FN3KRP: variants seen among roughly 807,000 people sequenced by gnomAD.
The protein encoded by FN3KRP is fructosamine 3 kinase related protein, also known as ketosamine-3-kinase.
FN3KRP carries 33 observed loss-of-function variants against 29.8 expected under a neutral mutation model. The observed-to-expected ratio is 1.11, with a 90% CI of 0.84 to 1.48. FN3KRP has a LOEUF of 1.48. FN3KRP is among the 40% of genes most tolerant of loss of function. The pLI, the probability that FN3KRP is intolerant of heterozygous loss-of-function variation, is 0.00. For missense variants in FN3KRP, 430 were observed against 402.6 expected (o/e 1.07, Z -0.58); for synonymous variants, 157 against 155.2 (o/e 1.01, Z -0.09).
chr17:82,723,575 A>ATG (rs983659968), intron 4 of FN3KRP, among the ~76,000 whole-genome samples: 4 of 151,402 alleles, frequency 2.6e-5, no homozygotes, highest in Non-Finnish European at 4.4e-5. Flanking sequence ...ATGTGTGTGC[A>ATG]TGTGTGTGCA....
At chr17:82,726,756 G>C in intron 5 of FN3KRP, 77 bp from the exon 6 acceptor site, 2 of 1,489,548 alleles carry the variant, frequency 1.3e-6, no homozygotes, top group Non-Finnish European at 1.8e-6. Context: ...CCTGGGCTGG[G>C]GGCGGTGGGG....
chr17:82,725,191 G>C (rs1442606243), intron 4 of FN3KRP, among the ~76,000 whole-genome samples: 1 of 152,002 alleles, frequency 6.6e-6, no homozygotes, highest in Non-Finnish European at 1.5e-5. Flanking sequence ...GCAGTGGCAT[G>C]ATCATAGCTC....
At chr17:82,717,412 C>T (rs1394697710) in intron 1 of FN3KRP, among the ~76,000 whole-genome samples, 1 of 152,304 alleles carries the variant, frequency 6.6e-6, no homozygotes, top group Admixed American at 6.5e-5. Context: ...CTGGCATGCT[C>T]TGTCCTTCTG....
At chr17:82,724,273 A>G (rs1249287150) in intron 4 of FN3KRP, among the ~76,000 whole-genome samples, 1 of 151,080 alleles carries the variant, frequency 6.6e-6, no homozygotes, top group African/African-American at 2.4e-5. Context: ...CAGCTTGGGT[A>G]ATGGAGCAAG....
At chr17:82,720,159 C>T in intron 2 of FN3KRP, 113 bp from the exon 3 acceptor site, 1 of 736,310 alleles carries the variant, frequency 1.4e-6, no homozygotes, top group South Asian at 1.8e-5. Flanking sequence ...GAGCGAGACT[C>T]CATCTCAAAA....
chr17:82,723,496 AGT>A (rs34352703), intron 4 of FN3KRP, among the ~76,000 whole-genome samples: 21,799 of 151,714 alleles, frequency 0.14, 1,763 homozygotes, highest in Admixed American at 0.2. Flanking sequence ...CTGTACTCAC[AGT>A]GTGTGTGTGC....
In FN3KRP at chr17:82,716,952, G is replaced by A. The variant is rs374122290; in HGVS notation, c.141+56G>A. The A allele has an allele frequency of 7.9e-6, 12 of 1,521,494 alleles. No individual in the cohort carries two copies. In the South Asian group the frequency reaches 1.2e-4, roughly 15 times the overall value. The allele number at this position is 1,521,494 out of a possible 1,614,324, so 94.2% of individuals were successfully genotyped here. Reference sequence around the variant, plus strand: ...CCGGTTTCTTTCCGGAGAGGGTCGCGGGCCTCGGCGCGGGGCGCGGCCTGG... The same window carrying A: ...CCGGTTTCTTTCCGGAGAGGGTCGCAGGCCTCGGCGCGGGGCGCGGCCTGG... On this transcript the variant is annotated intron_variant, in intron 1 of 5. Transcript: ENST00000269373.
At chr17:82,726,369 C>A in intron 4 of FN3KRP, 111 bp from the exon 5 acceptor site, 2 of 1,391,782 alleles carry the variant, frequency 1.4e-6, no homozygotes, top group Non-Finnish European at 2.0e-6. Context: ...TGCCACCCCT[C>A]CCACGTGCCG....
chr17:82,726,212 G>T (rs1167430121), intron 4 of FN3KRP, among the ~76,000 whole-genome samples: 1 of 152,018 alleles, frequency 6.6e-6, no homozygotes, highest in East Asian at 1.9e-4. Context: ...AAATGTTCTA[G>T]AAGCCTTCAT....
At chr17:82,726,738 C>A in intron 5 of FN3KRP, 95 bp from the exon 6 acceptor site, 1 of 1,496,260 alleles carries the variant, frequency 6.7e-7, no homozygotes. Flanking sequence ...GTGTGCTATC[C>A]GCTGCTGCCT....
At position 82,722,883 on chromosome 17, in the gene FN3KRP, CCAGGTGAGTG is replaced by C. The variant is rs750014981; in HGVS notation, c.468_468+9del. On this transcript the variant is annotated splice_donor_variant and splice_donor_5th_base_variant and coding_sequence_variant and intron_variant, in exon 4 of 6. Coordinates refer to ENST00000269373, the MANE Select transcript of FN3KRP (RefSeq NM_024619.4). LOFTEE classifies it high-confidence loss of function. The stretch of plus-strand genomic sequence containing the variant: ...TGGTGACGTGCTGTGGATACCTCCC[CCAGGTGAGTG>C]CACGGCGTTTGCTTCTATTTCACAA... The C allele has an allele frequency of 4.4e-5, 71 of 1,613,866 alleles. No homozygotes were observed. Among genetic ancestry groups the C allele is most frequent in the Non-Finnish European group, 5.8e-5 (68 of 1,179,916 alleles).
At chr17:82,724,343 C>T (rs543529105) in intron 4 of FN3KRP, among the ~76,000 whole-genome samples, 3 of 150,184 alleles carry the variant, frequency 2.0e-5, no homozygotes, top group Admixed American at 6.6e-5. Flanking sequence ...CGGTGGCTCA[C>T]GCCTGTAATC....
chr17:82,719,079 C>CACCCCCT (rs1221308343), intron 2 of FN3KRP, 22 bp downstream of exon 2: 8 of 1,592,446 alleles, frequency 5.0e-6, no homozygotes, highest in Middle Eastern at 1.9e-4. Context: ...CACCACCCCC[C>CACCCCCT]ACCTGGCTTT....
rs3748811 is a variant in FN3KRP at position 82,718,934 on chromosome 17, C to T, written c.170C>T (p.Ala57Val). Residue 57 changes from alanine (A) to valine (V), a missense_variant, in exon 2 of 6, where the codon GCA becomes GTA. Ala to Val is a moderately conservative substitution (Grantham distance 64). Transcript: ENST00000269373. ...AGAAGAATGTTTGAAGGTGAGATGG[C>T]AAGTTTAACTGCCATCCTGAAAACA... ...EARRMFEGEM[A>V]SLTAILKTNT... The T allele has an allele frequency of 3.8e-4, 617 of 1,614,046 alleles. 4 individuals are homozygous for T. The East Asian group carries it at 0.013, about 35-fold the overall frequency.
At chr17:82,719,188 C>A in intron 2 of FN3KRP, 131 bp downstream of exon 2, 10 of 833,338 alleles carry the variant, frequency 1.2e-5, no homozygotes, top group African/African-American at 1.7e-5. Flanking sequence ...TGTGTTCACA[C>A]CACCCCCCAG....
At chr17:82,717,163 C>G (rs1166621267) in intron 1 of FN3KRP, among the ~76,000 whole-genome samples, 1 of 152,140 alleles carries the variant, frequency 6.6e-6, no homozygotes, top group Non-Finnish European at 1.5e-5. Flanking sequence ...CTCCTGTTCT[C>G]CGTGAACTTT....
chr17:82,726,429 C>T (rs1203419419), intron 4 of FN3KRP, 51 bp from the exon 5 acceptor site: 2 of 1,590,978 alleles, frequency 1.3e-6, no homozygotes, highest in Non-Finnish European at 1.7e-6. Flanking sequence ...CTGAGCTCTC[C>T]CTTGGTTCTG....
At chr17:82,726,268 C>G (rs2046836245) in intron 4 of FN3KRP, among the ~76,000 whole-genome samples, 1 of 152,144 alleles carries the variant, frequency 6.6e-6, no homozygotes, top group African/African-American at 2.4e-5. Flanking sequence ...CCATGCTTCC[C>G]ACTGCTCTTG....
At chr17:82,719,621 G>A (rs536777707) in intron 2 of FN3KRP, among the ~76,000 whole-genome samples, 10 of 152,286 alleles carry the variant, frequency 6.6e-5, no homozygotes, top group African/African-American at 2.2e-4. Flanking sequence ...TGGATGTGGT[G>A]GCAGGCGCCT....
Sources: allele counts gnomAD v4.1 joint callset (sites outside exome capture counted in the v4.1 genomes callset), GRCh38; gene constraint gnomAD v4.1.1; transcripts MANE v1.5; gene names NCBI Gene and HGNC (gene_info 2026-07-23, HGNC 2026-07-21).